Variants in FYN observed in about 807,000 individuals in gnomAD.
The protein encoded by FYN is tyrosine-protein kinase Fyn.
FYN carries 10 observed loss-of-function variants against 70.2 expected under a neutral mutation model. The ratio of observed to expected loss-of-function variants is 0.14; its 90% CI spans 0.09 to 0.24. FYN has a LOEUF of 0.24. Ranked by LOEUF, FYN falls within the 10% of genes least tolerant of loss-of-function variation. The pLI is 1.00. For missense variants in FYN, 319 were observed against 673.1 expected (o/e 0.47, Z 5.82); for synonymous variants, 236 against 248.6 (o/e 0.95, Z 0.48).
At chr6:111,683,987 T>C (rs1798884594) in intron 12 of FYN, among the ~76,000 whole-genome samples, 1 of 152,230 alleles carries the variant, frequency 6.6e-6, no homozygotes. Context: ...TACAACTGGG[T>C]GTTTTCCAGT....
At chr6:111,762,059 T>A (rs1001109831) in intron 3 of FYN, among the ~76,000 whole-genome samples, 2 of 152,186 alleles carry the variant, frequency 1.3e-5, no homozygotes, top group Non-Finnish European at 2.9e-5. Context: ...AGGCTGTGTG[T>A]ATGCAAAATG....
chr6:111,856,980 C>T (rs1773838054), intron 1 of FYN, among the ~76,000 whole-genome samples: 1 of 152,174 alleles, frequency 6.6e-6, no homozygotes, highest in Non-Finnish European at 1.5e-5. Context: ...TTAAATGCAG[C>T]ATCATCCTCA....
intron 3 of FYN, among the ~76,000 whole-genome samples, chr6:111,740,127 A>G (rs1468379564): frequency 6.6e-6 from 1 of 152,208 alleles, no homozygotes; most frequent in Admixed American, 6.5e-5. Context: ...GTAAAAGCTT[A>G]TCAACTAAAG....
Position 111,719,726 on chromosome 6 carries a change from T to C in FYN, c.247+79A>G. The C allele has an allele frequency of 2.0e-6, 3 of 1,507,020 alleles. No homozygotes were observed. In the South Asian group the frequency reaches 3.8e-5, roughly 19 times the overall value. The allele number at this position is 1,507,020 out of a possible 1,614,324, so 93.4% of individuals were successfully genotyped here. ...GAAACCCCTAGTCAAAGGGAAGTGA[T>C]GGGAACCCAGATGTTCAATTGCCAA... On this transcript the variant is annotated intron_variant, in intron 4 of 13. Transcript: ENST00000354650.
At chr6:111,837,876 A>AAAAAG (rs1773238656) in intron 2 of FYN, among the ~76,000 whole-genome samples, 1 of 152,238 alleles carries the variant, frequency 6.6e-6, no homozygotes, top group Non-Finnish European at 1.5e-5. Flanking sequence ...TGGAGGGACT[A>AAAAAG]TGCAAATGCA....
chr6:111,805,890 C>T (rs942813702), intron 2 of FYN, among the ~76,000 whole-genome samples: 1 of 152,196 alleles, frequency 6.6e-6, no homozygotes, highest in African/African-American at 2.4e-5. Flanking sequence ...GTGGGGGAAG[C>T]TGGGACCACT....
intron 13 of FYN, among the ~76,000 whole-genome samples, chr6:111,667,728 T>A (rs1458265970): frequency 6.6e-6 from 1 of 152,246 alleles, no homozygotes; most frequent in Non-Finnish European, 1.5e-5. Flanking sequence ...TGCTTTCAGC[T>A]ATCTGAAAAA....
chr6:111,803,823 G>C (rs1370265785), intron 2 of FYN, among the ~76,000 whole-genome samples: 1 of 152,194 alleles, frequency 6.6e-6, no homozygotes, highest in African/African-American at 2.4e-5. Context: ...TTTCCTGAAG[G>C]AATAATCTGC....
At chr6:111,744,454 G>T (rs1331565883) in intron 3 of FYN, among the ~76,000 whole-genome samples, 1 of 152,244 alleles carries the variant, frequency 6.6e-6, no homozygotes, top group Non-Finnish European at 1.5e-5. Flanking sequence ...CTACTTGGCA[G>T]ATAATACTCT....
chr6:111,845,684 C>G (rs1162824840), intron 2 of FYN, among the ~76,000 whole-genome samples: 2 of 152,160 alleles, frequency 1.3e-5, no homozygotes, highest in Non-Finnish European at 2.9e-5. Context: ...AGGGGCAGCC[C>G]CCAAGTGGCC....
At chr6:111,711,816 C>T (rs1800393662) in intron 5 of FYN, among the ~76,000 whole-genome samples, 1 of 152,196 alleles carries the variant, frequency 6.6e-6, no homozygotes, top group African/African-American at 2.4e-5. Context: ...CCTGTTATTA[C>T]CCTTGACTTC....
At position 111,674,640 on chromosome 6, in the gene FYN, G is replaced by A. The variant is rs780046906; in HGVS notation, c.1274-10C>T. 5 of 1,612,060 alleles carry A rather than the reference G, an allele frequency of 3.1e-6. No homozygotes were observed. The South Asian group carries it at 4.4e-5, about 14-fold the overall frequency. On this transcript the variant is annotated splice_polypyrimidine_tract_variant and intron_variant, in intron 12 of 13. Coordinates refer to ENST00000354650, the MANE Select transcript of FYN (RefSeq NM_002037.5). ...ATGGGGAACTTTGCACCTGCAGAATGAACACTTGGTTATTCATCAGGCAGA... is the reference window on the plus strand; with the variant it reads ...ATGGGGAACTTTGCACCTGCAGAATAAACACTTGGTTATTCATCAGGCAGA...
At chr6:111,730,302 G>C (rs1290501433) in intron 3 of FYN, among the ~76,000 whole-genome samples, 1 of 152,180 alleles carries the variant, frequency 6.6e-6, no homozygotes, top group African/African-American at 2.4e-5. Flanking sequence ...GTGGAATCTG[G>C]GATAACCGAA....
intron 3 of FYN, among the ~76,000 whole-genome samples, chr6:111,768,128 C>T (rs532320616): frequency 1.1e-4 from 16 of 152,270 alleles, no homozygotes; most frequent in Non-Finnish European, 1.9e-4. Context: ...TGCACACATG[C>T]GTGTATGTGG....
intron 6 of FYN, among the ~76,000 whole-genome samples, chr6:111,705,077 C>G (rs1800008275): frequency 6.6e-6 from 1 of 151,784 alleles, no homozygotes; most frequent in South Asian, 2.1e-4. Flanking sequence ...AAAAAATAAA[C>G]AAAAAAACAA....
chr6:111,699,121 A>AAAAACTG, intron 9 of FYN, among the ~76,000 whole-genome samples: 1 of 152,188 alleles, frequency 6.6e-6, no homozygotes, highest in East Asian at 1.9e-4. Context: ...TTACAGATGA[A>AAAAACTG]AAAACTGAGG....
chr6:111,725,290 T>C (rs553217475), intron 3 of FYN, among the ~76,000 whole-genome samples: 53 of 152,314 alleles, frequency 3.5e-4, no homozygotes, highest in Non-Finnish European at 6.9e-4. Flanking sequence ...TCAGAGACAG[T>C]TGAGTACCAC....
intron 1 of FYN, among the ~76,000 whole-genome samples, chr6:111,849,340 A>G (rs1456315727): frequency 6.6e-6 from 1 of 152,226 alleles, no homozygotes; most frequent in Non-Finnish European, 1.5e-5. Flanking sequence ...CAGACAATAA[A>G]TAAAACTGAG....
intron 1 of FYN, among the ~76,000 whole-genome samples, chr6:111,857,406 CATCAGGTGGAAAA>C (rs2114509001): frequency 6.6e-6 from 1 of 152,316 alleles, no homozygotes; most frequent in South Asian, 2.1e-4. Context: ...TATCTTGAAA[CATCAGGTGGAAAA>C]CTCTGCCGCT....
Sources: gnomAD v4.1 joint callset for allele counts (sites outside exome capture counted in the v4.1 genomes callset) on GRCh38, gnomAD v4.1.1 for gene constraint, MANE v1.5 for transcripts, NCBI Gene and HGNC (gene_info 2026-07-23, HGNC 2026-07-21) for gene names.